The following GULP1 variants were observed in gnomAD, a reference collection of about 807,000 sequenced individuals.
The protein encoded by GULP1 is PTB domain-containing engulfment adapter protein 1.
GULP1 carries 19 observed loss-of-function variants against 40.9 expected under a neutral mutation model. The ratio of observed to expected loss-of-function variants is 0.46; its 90% CI spans 0.32 to 0.68. GULP1 has a LOEUF of 0.68. GULP1 is among the 30% of genes least tolerant of loss of function. The pLI is 0.03. For synonymous variants in GULP1, 119 were observed against 117.6 expected, an observed-to-expected ratio of 1.01 and a Z score of -0.08; for missense variants, 312 against 362.2, an observed-to-expected ratio of 0.86 and a Z score of 1.12.
At chr2:188,477,607 A>AC (rs2061117095) in intron 2 of GULP1, 52 bp from the exon 3 acceptor site, 13 of 847,012 alleles carry the variant, frequency 1.5e-5, no homozygotes, top group Non-Finnish European at 2.3e-5. Context: ...AGCAAAAGAG[A>AC]GGTCAGTCAA....
intron 4 of GULP1, among the ~76,000 whole-genome samples, chr2:188,488,731 C>T (rs1259941958): frequency 6.6e-6 from 1 of 151,914 alleles, no homozygotes; most frequent in African/African-American, 2.4e-5. Flanking sequence ...GAATTATATG[C>T]AAGAGAATGC....
intron 1 of GULP1, among the ~76,000 whole-genome samples, chr2:188,340,175 T>C (rs1448771234): frequency 6.6e-6 from 1 of 152,170 alleles, no homozygotes; most frequent in Non-Finnish European, 1.5e-5. Flanking sequence ...TCAGTTTCTG[T>C]GTTAGAGAAG....
chr2:188,584,477 G>T (rs2153462059), intron 10 of GULP1, 74 bp downstream of exon 10: 1 of 712,822 alleles, frequency 1.4e-6, no homozygotes, highest in South Asian at 3.4e-5. Flanking sequence ...AGACTTTGTG[G>T]GAAATTACAT....
Position 188,541,661 on chromosome 2 carries a change from A to C in GULP1, c.399+343A>C, listed in dbSNP as rs902875227. 8 of 452,598 alleles carry C rather than the reference A, an allele frequency of 1.8e-5. No homozygotes were observed. In the East Asian group the frequency reaches 2.9e-4, roughly 17 times the overall value. The allele number at this position is 452,598 out of a possible 1,614,324, so 28.0% of individuals were successfully genotyped here. A position where few individuals can be genotyped will look rare whatever the true frequency, so the allele number is the denominator to read the frequency against. ...GATTTAGTATTATGCACATAATACA[A>C]ACAGTAGTGGTGAGCAAACGTGTGT... On this transcript the variant is annotated intron_variant, in intron 7 of 11. Transcript: ENST00000409830.
intron 7 of GULP1, among the ~76,000 whole-genome samples, chr2:188,561,287 G>A (rs67425558): frequency 6.6e-6 from 1 of 152,088 alleles, no homozygotes; most frequent in Admixed American, 6.5e-5. Flanking sequence ...CCAGTCATGG[G>A]CACAGTGGAC....
chr2:188,510,559 T>A (rs775108613), intron 4 of GULP1, among the ~76,000 whole-genome samples: 2 of 151,928 alleles, frequency 1.3e-5, no homozygotes, highest in Non-Finnish European at 2.9e-5. Flanking sequence ...TAATCTAACT[T>A]ACCAAAACTT....
chr2:188,377,650 A>C (rs1320991006), intron 1 of GULP1, among the ~76,000 whole-genome samples: 1 of 152,208 alleles, frequency 6.6e-6, no homozygotes, highest in East Asian at 1.9e-4. Context: ...TTGAGCTAGA[A>C]ATTATCTTCT....
chr2:188,302,958 G>C (rs1202449055), intron 1 of GULP1, among the ~76,000 whole-genome samples: 2 of 152,116 alleles, frequency 1.3e-5, no homozygotes, highest in Non-Finnish European at 2.9e-5. Flanking sequence ...TTGAAGTTGA[G>C]CCTAATTTTT....
intron 4 of GULP1, among the ~76,000 whole-genome samples, chr2:188,512,835 C>T (rs1392873755): frequency 9.1e-6 from 1 of 109,802 alleles, no homozygotes; most frequent in Non-Finnish European, 1.9e-5. Context: ...TGGAAATTAG[C>T]TTAAAAGAGA....
At chr2:188,360,949 G>C (rs1361081304) in intron 1 of GULP1, among the ~76,000 whole-genome samples, 1 of 152,004 alleles carries the variant, frequency 6.6e-6, no homozygotes, top group Non-Finnish European at 1.5e-5. Flanking sequence ...ATGAAATATA[G>C]TTTCTCTTTT....
chr2:188,554,591 T>C (rs1161350512), intron 7 of GULP1, among the ~76,000 whole-genome samples: 3 of 152,006 alleles, frequency 2.0e-5, no homozygotes, highest in Non-Finnish European at 4.4e-5. Flanking sequence ...GAATGTTCTA[T>C]GTGCTAATGA....
chr2:188,328,788 G>C (rs1316188281), intron 1 of GULP1, among the ~76,000 whole-genome samples: 2 of 152,028 alleles, frequency 1.3e-5, no homozygotes, highest in Non-Finnish European at 2.9e-5. Flanking sequence ...TCTTGCCAGG[G>C]GGATGGAGTG....
chr2:188,394,866 T>C (rs2051011066), intron 2 of GULP1, among the ~76,000 whole-genome samples: 1 of 152,170 alleles, frequency 6.6e-6, no homozygotes, highest in African/African-American at 2.4e-5. Flanking sequence ...TGTTGCAGTG[T>C]GCTTGATGTG....
intron 7 of GULP1, among the ~76,000 whole-genome samples, chr2:188,566,651 C>T (rs942290553): frequency 5.3e-5 from 8 of 151,396 alleles, no homozygotes; most frequent in Admixed American, 5.3e-4. Flanking sequence ...AAAAAATTAG[C>T]TGGGTGTGGT....
At chr2:188,416,713 A>G (rs936928307) in intron 2 of GULP1, among the ~76,000 whole-genome samples, 7 of 152,198 alleles carry the variant, frequency 4.6e-5, no homozygotes, top group Non-Finnish European at 7.4e-5. Flanking sequence ...GTCTGTGATA[A>G]TTTAGAGACA....
rs1482643996 is a variant in GULP1, at chr2:188,595,160, T to C, written c.*1149T>C. ...ATTGATGTGCTGATGAACCTGGACT[T>C]TTAAAAATATTTGTTTCCTATACCT... On this transcript the variant is annotated 3_prime_UTR_variant, in exon 12 of 12. Coordinates refer to ENST00000409830, the MANE Select transcript of GULP1 (RefSeq NM_016315.4). 2 of 151,712 alleles carry C rather than the reference T, an allele frequency of 1.3e-5. No individual in the cohort carries two copies. Among genetic ancestry groups the C allele is most frequent in the Non-Finnish European group, 3.0e-5 (2 of 67,734 alleles). The allele number at this position is 151,712 out of a possible 1,614,324, so 9.4% of individuals were successfully genotyped here.
rs770538489 is a variant in GULP1 at position 188,584,368 on chromosome 2, A to G, written c.713A>G (p.Gln238Arg). 156 of 1,606,958 alleles carry G rather than the reference A, an allele frequency of 9.7e-5. 1 individual carries two copies. The highest frequency in any genetic ancestry group is 9.4e-6 in the Non-Finnish European group (11 of 1,173,872). ...QSSMPTRNGT[Q>R]PPPVPSRSTE... is the part of the protein sequence containing the mutation. ...TCGATGCCTACTCGCAATGGCACAC[A>G]GCCACCTCCAGTACCTAGTAGATCT... The change falls in exon 10 of 12, where the codon CAG becomes CGG. Residue 238 changes from glutamine to arginine, a missense_variant. Gln to Arg is a conservative substitution (Grantham distance 43). Coordinates refer to ENST00000409830, the MANE Select transcript of GULP1 (RefSeq NM_016315.4).
intron 2 of GULP1, among the ~76,000 whole-genome samples, chr2:188,469,422 C>T: frequency 6.6e-6 from 1 of 152,106 alleles, no homozygotes; most frequent in Non-Finnish European, 1.5e-5. Flanking sequence ...TAAAAAGATA[C>T]CTGAAACTGG....
At chr2:188,382,485 A>G (rs1329055858) in intron 1 of GULP1, among the ~76,000 whole-genome samples, 4 of 152,182 alleles carry the variant, frequency 2.6e-5, no homozygotes. Flanking sequence ...TCCTGGGATC[A>G]TCTCCCAAAT....
Sources: gnomAD v4.1 joint callset for allele counts (sites outside exome capture counted in the v4.1 genomes callset) on GRCh38, gnomAD v4.1.1 for gene constraint, MANE v1.5 for transcripts, NCBI Gene and HGNC (gene_info 2026-07-23, HGNC 2026-07-21) for gene names.